KCNIP4: variants seen among roughly 807,000 people sequenced by gnomAD.
The protein encoded by KCNIP4 is potassium voltage-gated channel interacting protein 4, also known as Kv channel-interacting protein 4.
In KCNIP4, 12 loss-of-function variants were observed where a neutral mutation model predicts 34.0. The observed-to-expected ratio is 0.35, with a 90% CI of 0.23 to 0.57. The LOEUF (loss-of-function observed/expected upper bound fraction) is 0.57. Ranked by LOEUF, KCNIP4 falls within the 20% of genes least tolerant of loss-of-function variation. KCNIP4 has a pLI of 0.83. For missense variants in KCNIP4, 238 were observed against 311.7 expected, an observed-to-expected ratio of 0.76 and a Z score of 1.78; for synonymous variants, 124 against 102.2, an observed-to-expected ratio of 1.21 and a Z score of -1.29.
At chr4:21,830,658 A>G (rs1317099016) in intron 1 of KCNIP4, among the ~76,000 whole-genome samples, 1 of 152,136 alleles carries the variant, frequency 6.6e-6, no homozygotes, top group African/African-American at 2.4e-5. Flanking sequence ...TGGGTGACAG[A>G]GCAAGACTCA....
chr4:20,817,892 G>A lies in KCNIP4; in HGVS notation c.288+32651C>T, dbSNP rs545348536. 1.6e-4 allele frequency among the ~76,000 whole-genome samples: 24 copies of A among 152,246 alleles called. No individual in the cohort carries two copies. The Middle Eastern group carries it at 0.014, about 86-fold the overall frequency. On this transcript the variant is annotated intron_variant, in intron 3 of 8. Coordinates refer to ENST00000382152, the MANE Select transcript of KCNIP4 (RefSeq NM_025221.6). ...GCAAGCACTGCCTAACTTCTTGAGC[G>A]TAGAGTATGAGGAGAAGGAGCAGTT...
In KCNIP4 at chr4:21,379,937, G is replaced by A. The variant is rs150007735; in HGVS notation, c.62-497228C>T. Among the ~76,000 whole-genome samples the A allele has an allele frequency of 5.0e-5, 6 of 120,740 alleles. No homozygotes were observed. In the East Asian group the frequency reaches 1.7e-3, roughly 33 times the overall value. The allele number at this position is 120,740 out of a possible 152,430, so 79.2% of individuals were successfully genotyped here. ...CGTTCTCTGGAACTGGGTCTTCATT[G>A]CACCCTAGTATCTAAGAAGAAAATG... On this transcript the variant is annotated intron_variant, in intron 1 of 8. Coordinates refer to ENST00000382152, the MANE Select transcript of KCNIP4 (RefSeq NM_025221.6).
intron 1 of KCNIP4, among the ~76,000 whole-genome samples, chr4:21,774,849 C>T (rs1053177391): frequency 1.3e-5 from 2 of 152,068 alleles, no homozygotes; most frequent in Non-Finnish European, 2.9e-5. Flanking sequence ...TTCATCTAAC[C>T]TTCTATCAAG....
At chr4:21,423,425 A>G (rs933804411) in intron 1 of KCNIP4, among the ~76,000 whole-genome samples, 1 of 152,210 alleles carries the variant, frequency 6.6e-6, no homozygotes, top group Non-Finnish European at 1.5e-5. Flanking sequence ...TACAGAATGC[A>G]TTGTTCCTGA....
intron 1 of KCNIP4, among the ~76,000 whole-genome samples, chr4:21,606,284 C>T (rs1487843879): frequency 1.3e-5 from 2 of 152,044 alleles, no homozygotes; most frequent in Admixed American, 6.6e-5. Context: ...ATATGTATGG[C>T]AAACAGGATC....
At chr4:20,769,870 T>C (rs1755723911) in intron 3 of KCNIP4, among the ~76,000 whole-genome samples, 1 of 152,198 alleles carries the variant, frequency 6.6e-6, no homozygotes, top group South Asian at 2.1e-4. Flanking sequence ...CAAAGGCCTG[T>C]TGAGTCCTTC....
At chr4:21,734,243 C>T (rs1026032012) in intron 1 of KCNIP4, among the ~76,000 whole-genome samples, 4 of 152,098 alleles carry the variant, frequency 2.6e-5, no homozygotes, top group Admixed American at 2.0e-4. Context: ...TTGGTGCACT[C>T]TTATTCTTCG....
rs188900278 is a variant in KCNIP4 at position 20,849,904 on chromosome 4, T to C, written c.288+639A>G. On this transcript the variant is annotated intron_variant, in intron 3 of 8. Transcript: ENST00000382152. ...AGCATCTAGTTTAACCCTTAGCACA[T>C]ACAAAGTATTTGGTAAGAGACTGTG... Among the ~76,000 whole-genome samples, 189 of 152,334 alleles carry C rather than the reference T, an allele frequency of 1.2e-3. 1 individual carries two copies. Among genetic ancestry groups the C allele is most frequent in the African/African-American group, 4.3e-3 (180 of 41,584 alleles).
At chr4:21,634,040 T>G (rs57551620) in intron 1 of KCNIP4, among the ~76,000 whole-genome samples, 22,895 of 151,816 alleles carry the variant, frequency 0.15, 2,067 homozygotes, top group South Asian at 0.21. Context: ...AAGAGAAATA[T>G]CATCTCAGTG....
chr4:20,905,722 G>C (rs559045151), intron 1 of KCNIP4, among the ~76,000 whole-genome samples: 1 of 151,212 alleles, frequency 6.6e-6, no homozygotes, highest in African/African-American at 2.4e-5. Flanking sequence ...GGGTTTCACT[G>C]TATTGGCTGG....
At chr4:21,019,067 C>T (rs1456802147) in intron 1 of KCNIP4, among the ~76,000 whole-genome samples, 1 of 152,160 alleles carries the variant, frequency 6.6e-6, no homozygotes, top group Non-Finnish European at 1.5e-5. Flanking sequence ...CTGAGGGCTT[C>T]CTCCTTGGCT....
chr4:21,494,773 TA>T (rs34162922), intron 1 of KCNIP4, among the ~76,000 whole-genome samples: 3,108 of 111,676 alleles, frequency 0.028, 94 homozygotes, highest in African/African-American at 0.082. Context: ...TCAGACTGTG[TA>T]AAAAAAAAAA....
At chr4:21,942,048 G>T (rs536446502) in intron 1 of KCNIP4, among the ~76,000 whole-genome samples, 1 of 152,220 alleles carries the variant, frequency 6.6e-6, no homozygotes, top group African/African-American at 2.4e-5. Flanking sequence ...CTGAACTTCT[G>T]CTTGTCTCAG....
chr4:21,082,650 C>T (rs116125058), intron 1 of KCNIP4, among the ~76,000 whole-genome samples: 1,815 of 151,544 alleles, frequency 0.012, 84 homozygotes, highest in African/African-American at 0.042. Flanking sequence ...AAAAAAAAAA[C>T]TTGTTACCTA....
chr4:20,954,087 GTC>G (rs1733059727), intron 1 of KCNIP4, among the ~76,000 whole-genome samples: 1 of 152,128 alleles, frequency 6.6e-6, no homozygotes, highest in South Asian at 2.1e-4. Flanking sequence ...TGTGATGTAT[GTC>G]TCTGAGCAAA....
intron 1 of KCNIP4, among the ~76,000 whole-genome samples, chr4:21,109,214 C>T (rs1748900772): frequency 6.6e-6 from 1 of 152,216 alleles, no homozygotes; most frequent in Non-Finnish European, 1.5e-5. Flanking sequence ...GTGGAGCCTA[C>T]AGAGGCAGGC....
At chr4:21,134,355 T>A (rs1405818883) in intron 1 of KCNIP4, among the ~76,000 whole-genome samples, 1 of 152,234 alleles carries the variant, frequency 6.6e-6, no homozygotes, top group Non-Finnish European at 1.5e-5. Context: ...TTCTCTTGTT[T>A]ACTTAGTTGT....
intron 1 of KCNIP4, among the ~76,000 whole-genome samples, chr4:20,909,736 T>C (rs1728149652): frequency 6.6e-6 from 1 of 152,196 alleles, no homozygotes; most frequent in South Asian, 2.1e-4. Flanking sequence ...ACTGGTGAGG[T>C]GATACAATGA....
At position 21,473,291 on chromosome 4, in the gene KCNIP4, C is replaced by G. The variant is rs114956305; in HGVS notation, c.61+475280G>C. On this transcript the variant is annotated intron_variant, in intron 1 of 8. Coordinates refer to ENST00000382152, the MANE Select transcript of KCNIP4 (RefSeq NM_025221.6). Reference sequence around the variant, plus strand: ...ATATATATTTCTCAGTCAGGGAATACGGGGAAATCCTTTAAACTGTCAAAT... The same window carrying G: ...ATATATATTTCTCAGTCAGGGAATAGGGGGAAATCCTTTAAACTGTCAAAT... Among the ~76,000 whole-genome samples, 7 of 152,078 alleles carry G rather than the reference C, an allele frequency of 4.6e-5. No individual in the cohort carries two copies. The East Asian group carries it at 1.4e-3, about 29-fold the overall frequency.
Sources: gnomAD v4.1 joint callset for allele counts (sites outside exome capture counted in the v4.1 genomes callset) on GRCh38, gnomAD v4.1.1 for gene constraint, MANE v1.5 for transcripts, NCBI Gene and HGNC (gene_info 2026-07-23, HGNC 2026-07-21) for gene names.